The following THRB variants were observed in gnomAD, a reference collection of about 807,000 sequenced individuals.
The protein encoded by THRB is thyroid hormone receptor beta.
In THRB, 12 loss-of-function variants were observed where a neutral mutation model predicts 47.8. The observed-to-expected ratio is 0.25, with a 90% CI of 0.16 to 0.41. The LOEUF (loss-of-function observed/expected upper bound fraction) is 0.41. THRB is among the 10% of genes least tolerant of loss of function. THRB has a pLI of 1.00. For missense variants in THRB, 348 were observed against 589.2 expected (o/e 0.59, Z 4.24); for synonymous variants, 218 against 212.2 (o/e 1.03, Z -0.24).
At chr3:24,283,647 CCT>C (rs1249724116) in intron 3 of THRB, among the ~76,000 whole-genome samples, 2 of 146,120 alleles carry the variant, frequency 1.4e-5, no homozygotes, top group African/African-American at 5.3e-5. Flanking sequence ...TCAAATTGTC[CCT>C]GTTTGCAGAT....
intron 1 of THRB, among the ~76,000 whole-genome samples, chr3:24,379,813 C>G (rs2065561583): frequency 6.6e-6 from 1 of 151,948 alleles, no homozygotes; most frequent in African/African-American, 2.4e-5. Flanking sequence ...CTCTTTAAAC[C>G]CTGTTACTTC....
intron 1 of THRB, among the ~76,000 whole-genome samples, chr3:24,445,997 G>A (rs1420234626): frequency 6.6e-6 from 1 of 152,136 alleles, no homozygotes; most frequent in Admixed American, 6.5e-5. Flanking sequence ...GTGATTCTGT[G>A]ATGTAACCAT....
At chr3:24,190,451 T>A (rs2043190508) in intron 4 of THRB, 117 bp from the exon 5 acceptor site, 3 of 1,296,316 alleles carry the variant, frequency 2.3e-6, no homozygotes, top group Middle Eastern at 2.4e-4. Flanking sequence ...AGTATTCACA[T>A]GCCACTTGAC....
intron 1 of THRB, among the ~76,000 whole-genome samples, chr3:24,361,875 A>C (rs2064098870): frequency 2.6e-5 from 4 of 152,140 alleles, no homozygotes; most frequent in Non-Finnish European, 5.9e-5. Flanking sequence ...GATTTAACTT[A>C]TGGGCAGATG....
intron 3 of THRB, among the ~76,000 whole-genome samples, chr3:24,245,175 G>A (rs2049984779): frequency 6.6e-6 from 1 of 152,230 alleles, no homozygotes; most frequent in Non-Finnish European, 1.5e-5. Flanking sequence ...TAATTAGAAT[G>A]TTTGAATGAA....
intron 1 of THRB, among the ~76,000 whole-genome samples, chr3:24,400,448 G>A (rs952090822): frequency 6.6e-6 from 1 of 151,908 alleles, no homozygotes. Context: ...CAAAATATCT[G>A]TTGCAAGGAC....
At chr3:24,436,702 G>A (rs762696651) in intron 1 of THRB, among the ~76,000 whole-genome samples, 17 of 152,120 alleles carry the variant, frequency 1.1e-4, no homozygotes, top group South Asian at 6.2e-4. Flanking sequence ...TAGAGCACAC[G>A]TTATTCCCCG....
At chr3:24,476,759 G>A (rs548272704) in intron 1 of THRB, among the ~76,000 whole-genome samples, 7 of 152,032 alleles carry the variant, frequency 4.6e-5, no homozygotes, top group Non-Finnish European at 7.4e-5. Flanking sequence ...GGGATTTTGA[G>A]AAATTATCTG....
chr3:24,324,989 A>T (rs1479761314), intron 2 of THRB, among the ~76,000 whole-genome samples: 1 of 152,234 alleles, frequency 6.6e-6, no homozygotes, highest in Non-Finnish European at 1.5e-5. Flanking sequence ...AAATGAATAA[A>T]ATCGATAATT....
At chr3:24,161,579 C>T (rs2038821393) in intron 5 of THRB, among the ~76,000 whole-genome samples, 1 of 146,462 alleles carries the variant, frequency 6.8e-6, no homozygotes, top group Non-Finnish European at 1.5e-5. Context: ...ATTTCAAATG[C>T]CTATGTAATT....
In THRB at chr3:24,143,519, C is replaced by T. The variant is rs777848648; in HGVS notation, c.720G>A (p.Lys240=). 1 of 1,614,210 alleles carries T rather than the reference C, an allele frequency of 6.2e-7. No homozygotes were observed. Among genetic ancestry groups the T allele is most frequent in the Non-Finnish European group, 8.5e-7 (1 of 1,180,020 alleles). ...VATNAQGSHW[K]QKRKFLPEDI... ...GCCTTACCAGGAATTTCCGTTTTTG[C>T]TTCCAGTGGCTGCCTTGGGCGTTGG... is the stretch of plus-strand genomic sequence containing the variant. The change falls in exon 8 of 11, where the codon AAG becomes AAA. Residue 240 remains lysine, a synonymous_variant. Coordinates refer to ENST00000646209, the MANE Select transcript of THRB (RefSeq NM_001354712.2).
At chr3:24,371,894 A>G (rs1342839877) in intron 1 of THRB, among the ~76,000 whole-genome samples, 1 of 152,156 alleles carries the variant, frequency 6.6e-6, no homozygotes, top group Non-Finnish European at 1.5e-5. Context: ...AGTATATACA[A>G]TTTTGTGTTT....
chr3:24,315,262 C>CTCTG (rs1314001203), intron 2 of THRB, among the ~76,000 whole-genome samples: 3 of 152,192 alleles, frequency 2.0e-5, no homozygotes, highest in African/African-American at 7.2e-5. Flanking sequence ...CCCTGCTGTC[C>CTCTG]TCTGGGCTTT....
intron 1 of THRB, among the ~76,000 whole-genome samples, chr3:24,357,372 A>C (rs1261075571): frequency 7.5e-5 from 11 of 147,306 alleles, no homozygotes; most frequent in Admixed American, 2.7e-4. Context: ...AAAAAAAAAA[A>C]AACAAAAAAC....
intron 4 of THRB, among the ~76,000 whole-genome samples, chr3:24,201,553 A>G (rs944827568): frequency 6.6e-6 from 1 of 152,206 alleles, no homozygotes; most frequent in African/African-American, 2.4e-5. Context: ...CACAGTCTCC[A>G]TATAAAGTAG....
rs1245515034 is a variant in THRB at position 24,319,285 on chromosome 3, C to T, written c.-189+18015G>A. Reference sequence around the variant, plus strand: ...TATCCAAGAGAAATGGATATGTCCACCAAAAGACAGTCCCAAACTGGAAAC... The same window carrying T: ...TATCCAAGAGAAATGGATATGTCCATCAAAAGACAGTCCCAAACTGGAAAC... On this transcript the variant is annotated intron_variant, in intron 2 of 10. Transcript: ENST00000646209. 3.9e-5 allele frequency among the ~76,000 whole-genome samples: 6 copies of T among 152,048 alleles called. 1 individual carries two copies.
intron 3 of THRB, among the ~76,000 whole-genome samples, chr3:24,235,837 G>T (rs796909654): frequency 5.3e-5 from 8 of 152,212 alleles, no homozygotes; most frequent in African/African-American, 1.9e-4. Context: ...CGTGTAAGAG[G>T]GGGGCATAGC....
chr3:24,158,090 G>T (rs972472375), intron 5 of THRB, among the ~76,000 whole-genome samples: 4 of 152,172 alleles, frequency 2.6e-5, no homozygotes, highest in Non-Finnish European at 4.4e-5. Flanking sequence ...CTTGCAGAGT[G>T]TTTTTAAAAA....
intron 3 of THRB, among the ~76,000 whole-genome samples, chr3:24,281,774 G>A (rs1035552802): frequency 6.8e-5 from 10 of 147,886 alleles, no homozygotes; most frequent in African/African-American, 2.0e-4. Context: ...AAAAAGGCAG[G>A]GGTTGCAATC....
Sources: allele counts gnomAD v4.1 joint callset (sites outside exome capture counted in the v4.1 genomes callset), GRCh38; gene constraint gnomAD v4.1.1; transcripts MANE v1.5; gene names NCBI Gene and HGNC (gene_info 2026-07-23, HGNC 2026-07-21).